ATAD2: variants seen among roughly 807,000 people sequenced by gnomAD.
ATAD2 encodes ATPase family AAA domain containing 2.
In ATAD2, 62 loss-of-function variants were observed where a neutral mutation model predicts 168.9. The observed-to-expected ratio is 0.37, with a 90% confidence interval of 0.30 to 0.45. The LOEUF (loss-of-function observed/expected upper bound fraction) is 0.45, where lower values mean the gene tolerates loss of function less well. Among genes scored for constraint, ATAD2 ranks in the 20% least tolerant of loss-of-function variants. The pLI is 1.00. For synonymous variants in ATAD2, 613 were observed against 571.6 expected (o/e 1.07, Z -1.03); for missense variants, 1,419 against 1,667.8 (o/e 0.85, Z 2.60).
chr8:123,330,354 T>C (rs558666322), intron 24 of ATAD2, among the ~76,000 whole-genome samples: 162 of 151,494 alleles, frequency 1.1e-3, no homozygotes, highest in Non-Finnish European at 1.8e-3. Flanking sequence ...TGTCAGAAGC[T>C]GCTTCTCTTG....
At chr8:123,410,259 T>C (rs961383392) in intron 1 of ATAD2, among the ~76,000 whole-genome samples, 1 of 149,700 alleles carries the variant, frequency 6.7e-6, no homozygotes, top group Non-Finnish European at 1.5e-5. Context: ...TCCGTTTTTA[T>C]AGTTTCTATT....
At chr8:123,341,954 C>T (rs1402943580) in intron 19 of ATAD2, among the ~76,000 whole-genome samples, 1 of 152,102 alleles carries the variant, frequency 6.6e-6, no homozygotes, top group East Asian at 1.9e-4. Flanking sequence ...GGCATGGTGG[C>T]GGATGCCTGT....
chr8:123,369,945 G>C lies in ATAD2; in HGVS notation c.807C>G (p.Asp269Glu). 1 of 1,497,660 alleles carries C rather than the reference G, an allele frequency of 6.7e-7. No individual in the cohort carries two copies. The highest frequency in any genetic ancestry group is 9.0e-7 in the Non-Finnish European group (1 of 1,106,474). 92.8% of individuals were successfully genotyped at this position (1,497,660 alleles called of 1,614,324 possible). ...DEDDEDDDDD[D>E]DDDDDDDDED... is the part of the protein sequence containing the mutation. The stretch of plus-strand genomic sequence containing the variant: ...CATCATCATCATCATCATCATCATC[G>C]TCATCATCATCATCATCTTCATCAT... Residue 269 changes from aspartate to glutamate, a missense_variant, in exon 7 of 28, where the codon GAC becomes GAG. Asp to Glu is a conservative substitution (Grantham distance 45, BLOSUM62 2). This residue lies in a region of ATAD2 where 419 missense variants were observed against 423.5 expected (regional missense o/e 0.99). Coordinates refer to ENST00000287394, the MANE Select transcript of ATAD2 (RefSeq NM_014109.4).
At chr8:123,347,648 G>A (rs1360160640) in intron 15 of ATAD2, among the ~76,000 whole-genome samples, 2 of 151,962 alleles carry the variant, frequency 1.3e-5, no homozygotes, top group African/African-American at 2.4e-5. Flanking sequence ...ATAGCACAGA[G>A]GTCAAAAGCA....
rs71808201 is a variant in ATAD2 at position 123,378,701 on chromosome 8, C to CAAAAAAAAAAAAAAA, written c.320+1813_320+1827dup. ...TGGGCAACAGAGCAAGACTGTGTCTCAAAAAAAAAAAAAAAAAAAAAAAAT... is the reference window on the plus strand; with the variant it reads ...TGGGCAACAGAGCAAGACTGTGTCTCAAAAAAAAAAAAAAAAAAAAAAAAAAAAAAAAAAAAAAAT... On this transcript the variant is annotated intron_variant, in intron 2 of 27. Transcript: ENST00000287394. Among the ~76,000 whole-genome samples the CAAAAAAAAAAAAAAA allele has an allele frequency of 6.4e-4, 47 of 73,036 alleles. 2 individuals carry two copies. The highest frequency in any genetic ancestry group is 2.6e-3 in the African/African-American group (44 of 17,176). 47.9% of individuals were successfully genotyped at this position (73,036 alleles called of 152,430 possible).
At chr8:123,378,440 A>T (rs1157103373) in intron 2 of ATAD2, among the ~76,000 whole-genome samples, 1 of 152,164 alleles carries the variant, frequency 6.6e-6, no homozygotes, top group African/African-American at 2.4e-5. Flanking sequence ...AGTAGCTCAC[A>T]CCTGTAATCC....
chr8:123,373,788 C>CAAAA (rs11285869), intron 2 of ATAD2, among the ~76,000 whole-genome samples: 3 of 72,868 alleles, frequency 4.1e-5, no homozygotes, highest in African/African-American at 4.9e-5. Flanking sequence ...CACCTCGCCT[C>CAAAA]AAAAAAAAAA....
chr8:123,371,306 T>A lies in ATAD2; in HGVS notation c.569A>T (p.Asp190Val), dbSNP rs1325821121. 1 of 1,608,984 alleles carries A rather than the reference T, an allele frequency of 6.2e-7. No homozygotes were observed. The highest frequency in any genetic ancestry group is 1.7e-5 in the Admixed American group (1 of 59,242). The change falls in exon 5 of 28, where the codon GAC becomes GTC. Residue 190 changes from aspartate (D) to valine (V), a missense_variant. Physicochemically the swap from Asp to Val is radical, Grantham distance 152. Around this residue, in one of 5 missense-constraint regions of ATAD2, gnomAD observed 419 missense variants for 423.5 expected, o/e 0.99. Coordinates refer to ENST00000287394, the MANE Select transcript of ATAD2 (RefSeq NM_014109.4). Reference sequence around the variant, plus strand: ...TCGCTGTCTACGCATCTTCTTCATGTCATCCATTTTTTGAAGTACAGCTTC... The same window carrying A: ...TCGCTGTCTACGCATCTTCTTCATGACATCCATTTTTTGAAGTACAGCTTC... Reference protein sequence around the residue: ...TAEAVLQKMDDMKKMRRQRMR... With the variant: ...TAEAVLQKMDVMKKMRRQRMR...
At position 123,346,736 on chromosome 8, in the gene ATAD2, G is replaced by A. The variant is rs774247597; in HGVS notation, c.2227C>T (p.Leu743=). 34 of 1,588,262 alleles carry A rather than the reference G, an allele frequency of 2.1e-5. 1 individual carries two copies. Among genetic ancestry groups the A allele is most frequent in the African/African-American group, 1.9e-4 (14 of 73,616 alleles). The part of the protein sequence containing the change: ...KTLDSDISCP[L]LESDLAYSDD... ...CTGTAAGCCAAGTCACTTTCTAGCA[G>A]AGGACAAGAAATATCTATAAAACCA... The change falls in exon 17 of 28, where the codon CTG becomes TTG. Residue 743 remains leucine (L), a synonymous_variant. Transcript: ENST00000287394.
chr8:123,373,324 T>C (rs1477637882), intron 2 of ATAD2, among the ~76,000 whole-genome samples: 2 of 152,204 alleles, frequency 1.3e-5, no homozygotes, highest in East Asian at 1.9e-4. Flanking sequence ...GCTAGGATTA[T>C]AGGTATGAGC....
intron 1 of ATAD2, among the ~76,000 whole-genome samples, chr8:123,412,735 GTAGT>G (rs1689468126): frequency 6.6e-6 from 1 of 152,080 alleles, no homozygotes; most frequent in African/African-American, 2.4e-5. Context: ...CCTGGCCTAT[GTAGT>G]TGTTTATTAC....
At chr8:123,326,836 T>C (rs186153684) in intron 25 of ATAD2, among the ~76,000 whole-genome samples, 1 of 152,312 alleles carries the variant, frequency 6.6e-6, no homozygotes, top group East Asian at 1.9e-4. Context: ...AGAAGTCTGC[T>C]GATCCATGAT....
intron 1 of ATAD2, among the ~76,000 whole-genome samples, chr8:123,411,060 A>G (rs1389634238): frequency 6.6e-6 from 1 of 152,156 alleles, no homozygotes; most frequent in East Asian, 1.9e-4. Flanking sequence ...CAAGAACCCC[A>G]GGTCAGAGAA....
Position 123,361,542 on chromosome 8 carries a change from T to C in ATAD2, c.1154A>G (p.Asn385Ser), listed in dbSNP as rs372091209. The change falls in exon 9 of 28, where the codon AAT (asparagine) becomes AGT (serine). Residue 385 changes from asparagine (N) to serine (S), a missense_variant. Around this residue, in one of 5 missense-constraint regions of ATAD2, gnomAD observed 146 missense variants for 188.3 expected, o/e 0.78. Coordinates refer to ENST00000287394, the MANE Select transcript of ATAD2 (RefSeq NM_014109.4). Reference protein sequence around the residue: ...RRKRSRNRAINRCLPLNFRKD... With the variant: ...RRKRSRNRAISRCLPLNFRKD... ...AAGGCATCAATATGGCACTTACCTA[T>C]TGATAGCCCTATTACGACTCCTTTT... is the stretch of plus-strand genomic sequence containing the variant. The C allele has an allele frequency of 9.4e-5, 151 of 1,610,802 alleles. No individual in the cohort carries two copies. Among genetic ancestry groups the C allele is most frequent in the Middle Eastern group, 6.6e-4 (4 of 6,070 alleles).
Position 123,396,438 on chromosome 8 carries a change from T to G in ATAD2, c.-81A>C. 8 of 1,379,766 alleles carry G rather than the reference T, an allele frequency of 5.8e-6. No individual in the cohort carries two copies. Among genetic ancestry groups the G allele is most frequent in the South Asian group, 3.0e-5 (2 of 66,464 alleles). The allele number at this position is 1,379,766 out of a possible 1,614,324, so 85.5% of individuals were successfully genotyped here. On this transcript the variant is annotated 5_prime_UTR_variant, in exon 1 of 28. Transcript: ENST00000287394. Reference sequence around the variant, plus strand: ...GCTCGCAGCTCTGGCTCTTCCGCGCTCCGAATTCTGGCGCCACAAGCTCCG... The same window carrying G: ...GCTCGCAGCTCTGGCTCTTCCGCGCGCCGAATTCTGGCGCCACAAGCTCCG...
At chr8:123,378,727 C>CAAAAAAAAAAAAAAA (rs1554646643) in intron 2 of ATAD2, among the ~76,000 whole-genome samples, 10 of 91,050 alleles carry the variant, frequency 1.1e-4, no homozygotes, top group African/African-American at 4.0e-4. Context: ...AAAAAAAAAT[C>CAAAAAAAAAAAAAAA]AAAATTCCAT....
intron 1 of ATAD2, among the ~76,000 whole-genome samples, chr8:123,395,025 G>T (rs1326403299): frequency 6.6e-6 from 1 of 152,146 alleles, no homozygotes; most frequent in African/African-American, 2.4e-5. Flanking sequence ...GATCTTAATA[G>T]AAGACTTAAT....
chr8:123,378,701 C>CAAAAAA (rs71808201), intron 2 of ATAD2, among the ~76,000 whole-genome samples: 7 of 73,032 alleles, frequency 9.6e-5, no homozygotes, highest in African/African-American at 2.9e-4. Flanking sequence ...GACTGTGTCT[C>CAAAAAA]AAAAAAAAAA....
At chr8:123,372,340 C>T (rs1279388803) in intron 3 of ATAD2, among the ~76,000 whole-genome samples, 3 of 152,084 alleles carry the variant, frequency 2.0e-5, no homozygotes, top group Non-Finnish European at 2.9e-5. Flanking sequence ...TGAATGGTCA[C>T]GGCTATGTTC....
Sources: gnomAD v4.1 joint callset for allele counts (sites outside exome capture counted in the v4.1 genomes callset) on GRCh38, gnomAD v4.1.1 for gene constraint, gnomAD v4.1.1 regional missense constraint, MANE v1.5 for transcripts, NCBI Gene and HGNC (gene_info 2026-07-23, HGNC 2026-07-21) for gene names.